Variants in SLC8A1 observed in about 807,000 individuals in gnomAD.
The protein encoded by SLC8A1 is solute carrier family 8 member A1.
SLC8A1 carries 18 observed loss-of-function variants against 68.3 expected under a neutral mutation model. The observed-to-expected ratio is 0.26, with a 90% CI of 0.18 to 0.39. SLC8A1 has a LOEUF of 0.39. Ranked by LOEUF, SLC8A1 falls within the 10% of genes least tolerant of loss-of-function variation. The pLI is 1.00. For missense variants in SLC8A1, 985 were observed against 1,156.7 expected (o/e 0.85, Z 2.15); for synonymous variants, 475 against 415.5 (o/e 1.14, Z -1.74).
chr2:40,123,706 A>G (rs10490206), intron 7 of SLC8A1, among the ~76,000 whole-genome samples: 54,953 of 152,092 alleles, frequency 0.36, 11,463 homozygotes, highest in Middle Eastern at 0.51. Flanking sequence ...TTAATAATGC[A>G]AAGTCCGTGA....
At chr2:40,511,377 A>G (rs1167353132) in intron 1 of SLC8A1, among the ~76,000 whole-genome samples, 1 of 152,212 alleles carries the variant, frequency 6.6e-6, no homozygotes, top group Non-Finnish European at 1.5e-5. Context: ...AGGAGTTCAC[A>G]GACTTTGCTA....
intron 1 of SLC8A1, among the ~76,000 whole-genome samples, chr2:40,437,040 C>T (rs991191445): frequency 5.3e-5 from 8 of 152,066 alleles, no homozygotes; most frequent in African/African-American, 4.8e-5. Flanking sequence ...ACTTTTCTGA[C>T]GATACTACAA....
chr2:40,415,859 T>TATACAC (rs375766392), intron 2 of SLC8A1, among the ~76,000 whole-genome samples: 1 of 113,536 alleles, frequency 8.8e-6, no homozygotes, highest in African/African-American at 3.4e-5. Flanking sequence ...ACTAAAAGTA[T>TATACAC]ACACACACAC....
At chr2:40,159,257 T>A (rs1484193995) in intron 6 of SLC8A1, among the ~76,000 whole-genome samples, 1 of 152,242 alleles carries the variant, frequency 6.6e-6, no homozygotes, top group African/African-American at 2.4e-5. Context: ...GTATCCTCCA[T>A]TAGACTGTAA....
chr2:40,493,443 A>T (rs1199735920), intron 1 of SLC8A1, among the ~76,000 whole-genome samples: 1 of 151,864 alleles, frequency 6.6e-6, no homozygotes, highest in Non-Finnish European at 1.5e-5. Flanking sequence ...ACACTTATAC[A>T]TATGTAACTA....
intron 2 of SLC8A1, among the ~76,000 whole-genome samples, chr2:40,363,558 C>A (rs986252921): frequency 1.3e-5 from 2 of 152,072 alleles, no homozygotes; most frequent in African/African-American, 4.8e-5. Flanking sequence ...TCCCAAGCTA[C>A]CCTGAAGCAG....
At chr2:40,215,852 A>G (rs950065556) in intron 2 of SLC8A1, among the ~76,000 whole-genome samples, 7 of 151,888 alleles carry the variant, frequency 4.6e-5, no homozygotes, top group Non-Finnish European at 8.8e-5. Context: ...CTGAAAATCT[A>G]TTCCAATCAT....
rs982517442 is a variant in SLC8A1, at chr2:40,310,227, C to G, written c.1808+118246G>C. On this transcript the variant is annotated intron_variant, in intron 2 of 7. Coordinates refer to ENST00000406785, the Ensembl canonical transcript of SLC8A1. Reference sequence around the variant, plus strand: ...TGTATGGAGTTGGTGCAGACCCAGTCCAGTCTTATGACGAGCCTTGGATGC... The same window carrying G: ...TGTATGGAGTTGGTGCAGACCCAGTGCAGTCTTATGACGAGCCTTGGATGC... 7.2e-5 allele frequency among the ~76,000 whole-genome samples: 11 copies of G among 152,186 alleles called. No homozygotes were observed. The East Asian group carries it at 9.6e-4, about 13-fold the overall frequency.
intron 2 of SLC8A1, among the ~76,000 whole-genome samples, chr2:40,215,553 C>T (rs1179338874): frequency 1.4e-5 from 2 of 142,368 alleles, no homozygotes; most frequent in East Asian, 2.2e-4. Flanking sequence ...AGGAGAATGG[C>T]GTGAACCCGG....
At chr2:40,125,527 T>C (rs2037896726) in intron 7 of SLC8A1, among the ~76,000 whole-genome samples, 1 of 152,194 alleles carries the variant, frequency 6.6e-6, no homozygotes, top group South Asian at 2.1e-4. Context: ...AGCACCAAAA[T>C]CTTCTCTCTT....
At chr2:40,397,631 G>C (rs140215277) in intron 2 of SLC8A1, among the ~76,000 whole-genome samples, 44 of 152,196 alleles carry the variant, frequency 2.9e-4, no homozygotes, top group Non-Finnish European at 5.1e-4. Flanking sequence ...CTGCATATCA[G>C]AACCACATAT....
chr2:40,296,482 C>CA (rs2070406579), intron 2 of SLC8A1, among the ~76,000 whole-genome samples: 1 of 152,100 alleles, frequency 6.6e-6, no homozygotes, highest in Non-Finnish European at 1.5e-5. Flanking sequence ...TCATAGGGAA[C>CA]TGGGCATAAT....
At chr2:40,418,283 T>C (rs920294745) in intron 2 of SLC8A1, among the ~76,000 whole-genome samples, 5 of 151,944 alleles carry the variant, frequency 3.3e-5, no homozygotes, top group South Asian at 2.1e-4. Context: ...CATTACATTA[T>C]ATTAATATTA....
intron 2 of SLC8A1, among the ~76,000 whole-genome samples, chr2:40,392,589 G>T (rs1248861944): frequency 6.6e-6 from 1 of 152,104 alleles, no homozygotes; most frequent in Non-Finnish European, 1.5e-5. Flanking sequence ...AATTGCTGAA[G>T]ATCTACCAAT....
chr2:40,410,654 G>C (rs1691832157), intron 2 of SLC8A1, among the ~76,000 whole-genome samples: 1 of 151,942 alleles, frequency 6.6e-6, no homozygotes, highest in Admixed American at 6.6e-5. Flanking sequence ...GTTAAATCCA[G>C]CTAATTAACG....
At chr2:40,222,944 G>C (rs2058524631) in intron 2 of SLC8A1, among the ~76,000 whole-genome samples, 2 of 152,162 alleles carry the variant, frequency 1.3e-5, no homozygotes, top group African/African-American at 4.8e-5. Flanking sequence ...TTCAACCATT[G>C]TGGAAAAAAG....
At chr2:40,236,396 T>C (rs2060375762) in intron 2 of SLC8A1, among the ~76,000 whole-genome samples, 1 of 152,362 alleles carries the variant, frequency 6.6e-6, no homozygotes, top group Admixed American at 6.5e-5. Context: ...GTTTAAGGTC[T>C]GTTTTATCAG....
At chr2:40,380,094 G>T (rs547931521) in intron 2 of SLC8A1, among the ~76,000 whole-genome samples, 1 of 152,140 alleles carries the variant, frequency 6.6e-6, no homozygotes, top group Non-Finnish European at 1.5e-5. Flanking sequence ...CATTTAGCTT[G>T]ATCAGTGCTT....
At chr2:40,471,438 C>T (rs1439210590) in intron 1 of SLC8A1, among the ~76,000 whole-genome samples, 1 of 152,060 alleles carries the variant, frequency 6.6e-6, no homozygotes, top group Admixed American at 6.5e-5. Flanking sequence ...AATAGATGAC[C>T]TCATCCATCA....
Sources: allele counts gnomAD v4.1 joint callset (sites outside exome capture counted in the v4.1 genomes callset), GRCh38; gene constraint gnomAD v4.1.1; transcripts MANE v1.5; gene names NCBI Gene and HGNC (gene_info 2026-07-23, HGNC 2026-07-21).